CNTN6: variants seen among roughly 807,000 people sequenced by gnomAD.
CNTN6 encodes the protein contactin-6.
A neutral mutation model predicts 122.8 loss-of-function variants in CNTN6; 137 were observed. That is an observed-to-expected ratio of 1.12 (90% CI 0.97 to 1.29). The LOEUF (loss-of-function observed/expected upper bound fraction) is 1.29, where lower values mean the gene tolerates loss of function less well. Ranked by LOEUF, CNTN6 falls within the 50% of genes most tolerant of loss-of-function variation. The pLI, the probability that CNTN6 is intolerant of heterozygous loss-of-function variation, is 0.00. For synonymous variants in CNTN6, 570 were observed against 426.0 expected, an observed-to-expected ratio of 1.34 and a Z score of -4.16; for missense variants, 1,634 against 1,223.4, an observed-to-expected ratio of 1.34 and a Z score of -5.01.
At chr3:1,143,000 A>ATATG (rs2092648302) in intron 1 of CNTN6, among the ~76,000 whole-genome samples, 1 of 135,402 alleles carries the variant, frequency 7.4e-6, no homozygotes, top group Non-Finnish European at 1.6e-5. Context: ...ATATATATAT[A>ATATG]TATGTATATG....
intron 2 of CNTN6, among the ~76,000 whole-genome samples, chr3:1,207,028 T>A (rs67700225): frequency 1.3e-5 from 2 of 151,780 alleles, no homozygotes; most frequent in African/African-American, 4.8e-5. Context: ...AATCCGATGA[T>A]CTTCAAATGC....
intron 7 of CNTN6, among the ~76,000 whole-genome samples, chr3:1,316,453 A>G (rs1437641668): frequency 6.6e-6 from 1 of 151,834 alleles, no homozygotes. Context: ...ATATCTCACA[A>G]TAACTCACTC....
Position 1,108,101 on chromosome 3 carries a change from A to G in CNTN6, c.-83+14981A>G, listed in dbSNP as rs942229182. ...TTTCAATTTTATTTCTAATAAAAAA[A>G]TTTAATCCATTTGAGGTGACAAAAT... On this transcript the variant is annotated intron_variant, in intron 1 of 22. Transcript: ENST00000446702. 2.6e-5 allele frequency among the ~76,000 whole-genome samples: 4 copies of G among 152,210 alleles called. No individual in the cohort carries two copies. The East Asian group carries it at 7.7e-4, about 29-fold the overall frequency.
At chr3:1,308,427 G>A (rs1698708864) in intron 7 of CNTN6, among the ~76,000 whole-genome samples, 1 of 151,858 alleles carries the variant, frequency 6.6e-6, no homozygotes, top group East Asian at 1.9e-4. Context: ...CAAGGATAGG[G>A]TCTTGTTATT....
At chr3:1,234,299 T>C (rs2094394601) in intron 4 of CNTN6, among the ~76,000 whole-genome samples, 2 of 152,184 alleles carry the variant, frequency 1.3e-5, no homozygotes, top group African/African-American at 4.8e-5. Flanking sequence ...AGTCGTAACA[T>C]AAAGGTCTTT....
At chr3:1,338,750 T>C (rs1275315642) in intron 11 of CNTN6, among the ~76,000 whole-genome samples, 1 of 152,170 alleles carries the variant, frequency 6.6e-6, no homozygotes, top group African/African-American at 2.4e-5. Context: ...AAAAGGTCAA[T>C]TATTCATGTA....
chr3:1,387,370 T>G (rs1693187031), intron 20 of CNTN6, among the ~76,000 whole-genome samples: 1 of 152,234 alleles, frequency 6.6e-6, no homozygotes, highest in African/African-American at 2.4e-5. Context: ...GTTGACTAAA[T>G]CAATGAAGTT....
chr3:1,309,279 C>T (rs1698859016), intron 7 of CNTN6, among the ~76,000 whole-genome samples: 1 of 152,158 alleles, frequency 6.6e-6, no homozygotes, highest in Admixed American at 6.5e-5. Context: ...TTTGCATTTT[C>T]ATTGATGGTC....
chr3:1,161,485 C>T lies in CNTN6; in HGVS notation c.55+13422C>T, dbSNP rs1333475236. Among the ~76,000 whole-genome samples, 9 of 151,226 alleles carry T rather than the reference C, an allele frequency of 6.0e-5. No individual in the cohort carries two copies. The East Asian group carries it at 1.7e-3, about 29-fold the overall frequency. On this transcript the variant is annotated intron_variant, in intron 2 of 22. Transcript: ENST00000446702. Reference sequence around the variant, plus strand: ...ATATTTTATTATTTTTAATTGTGGGCTACACATCACATCCATTGCATTAGT... The same window carrying T: ...ATATTTTATTATTTTTAATTGTGGGTTACACATCACATCCATTGCATTAGT...
rs554554569 is a variant in CNTN6, at chr3:1,159,911, C to T, written c.55+11848C>T. On this transcript the variant is annotated intron_variant, in intron 2 of 22. Transcript: ENST00000446702. ...TCTCAGCTCACTGCAACTTCTGCCT[C>T]CCAGGTTCAAGCAATTCTCCTGCCT... Among the ~76,000 whole-genome samples, 8 of 152,122 alleles carry T rather than the reference C, an allele frequency of 5.3e-5. No individual in the cohort carries two copies. In the South Asian group the frequency reaches 1.7e-3, roughly 32 times the overall value.
chr3:1,374,111 C>A, intron 16 of CNTN6, 38 bp downstream of exon 16: 1 of 1,582,658 alleles, frequency 6.3e-7, no homozygotes, highest in Non-Finnish European at 8.6e-7. Context: ...TGGAAGATTT[C>A]GTATGATACA....
intron 4 of CNTN6, among the ~76,000 whole-genome samples, chr3:1,242,721 A>G (rs1316826434): frequency 6.7e-5 from 10 of 149,024 alleles, no homozygotes; most frequent in African/African-American, 1.0e-4. Flanking sequence ...GCAATGAGAC[A>G]CAGCTGTAAT....
chr3:1,321,582 G>T, intron 7 of CNTN6, 68 bp from the exon 8 acceptor site: 1 of 1,341,866 alleles, frequency 7.5e-7, no homozygotes, highest in Non-Finnish European at 1.0e-6. Context: ...TTGTATGGAT[G>T]CTCTTCTTTT....
At chr3:1,382,332 G>GTAT (rs1692022028) in intron 17 of CNTN6, among the ~76,000 whole-genome samples, 1 of 152,176 alleles carries the variant, frequency 6.6e-6, no homozygotes, top group African/African-American at 2.4e-5. Flanking sequence ...GATTTGAAAT[G>GTAT]TATTTTATAG....
chr3:1,242,483 A>T (rs972618610), intron 4 of CNTN6, among the ~76,000 whole-genome samples: 5 of 152,174 alleles, frequency 3.3e-5, no homozygotes, highest in African/African-American at 1.2e-4. Context: ...AGGTTTTAGA[A>T]GCCCATGCTG....
chr3:1,288,994 A>C (rs953483350), intron 5 of CNTN6, among the ~76,000 whole-genome samples: 6 of 152,248 alleles, frequency 3.9e-5, no homozygotes, highest in Non-Finnish European at 7.3e-5. Flanking sequence ...ATTATCATTC[A>C]GCTCTAATGC....
At chr3:1,274,369 G>A (rs1691929512) in intron 4 of CNTN6, among the ~76,000 whole-genome samples, 1 of 152,142 alleles carries the variant, frequency 6.6e-6, no homozygotes, top group African/African-American at 2.4e-5. Context: ...TGAGAAACAT[G>A]GTAGGCATGC....
At chr3:1,235,811 G>C (rs997583026) in intron 4 of CNTN6, among the ~76,000 whole-genome samples, 1 of 152,082 alleles carries the variant, frequency 6.6e-6, no homozygotes, top group Admixed American at 6.6e-5. Context: ...GTCTGGGGCA[G>C]GTTCTCAGCC....
At chr3:1,252,894 G>C (rs2094693420) in intron 4 of CNTN6, among the ~76,000 whole-genome samples, 1 of 152,048 alleles carries the variant, frequency 6.6e-6, no homozygotes, top group African/African-American at 2.4e-5. Flanking sequence ...CTCAACCCAG[G>C]GCATAAGTAA....
Sources: allele counts gnomAD v4.1 joint callset (sites outside exome capture counted in the v4.1 genomes callset), GRCh38; gene constraint gnomAD v4.1.1; transcripts MANE v1.5; gene names NCBI Gene and HGNC (gene_info 2026-07-23, HGNC 2026-07-21).